The following CAMKMT variants were observed in gnomAD, a reference collection of about 807,000 sequenced individuals.
CAMKMT encodes the protein calmodulin-lysine N-methyltransferase.
CAMKMT carries 53 observed loss-of-function variants against 48.0 expected under a neutral mutation model. The observed-to-expected ratio is 1.10, with a 90% confidence interval of 0.89 to 1.39. The LOEUF is 1.39. Among genes scored for constraint, CAMKMT ranks in the 40% most tolerant of loss-of-function variants. CAMKMT has a pLI of 0.00. For missense variants in CAMKMT, 428 were observed against 402.7 expected, an observed-to-expected ratio of 1.06 and a Z score of -0.54; for synonymous variants, 165 against 152.3, an observed-to-expected ratio of 1.08 and a Z score of -0.61.
chr2:44,363,880 G>A (rs60403297), intron 1 of CAMKMT, among the ~76,000 whole-genome samples: 6,582 of 151,592 alleles, frequency 0.043, 448 homozygotes, highest in African/African-American at 0.15. Context: ...TAGTAGAGAC[G>A]GAGTTTCGCC....
At chr2:44,516,480 C>A (rs955193514) in intron 3 of CAMKMT, among the ~76,000 whole-genome samples, 1 of 151,820 alleles carries the variant, frequency 6.6e-6, no homozygotes, top group Admixed American at 6.6e-5. Flanking sequence ...TTTTTTTTCC[C>A]AAATGTTAAA....
chr2:44,750,988 G>A (rs945645950), intron 8 of CAMKMT, among the ~76,000 whole-genome samples: 8 of 151,668 alleles, frequency 5.3e-5, no homozygotes, highest in African/African-American at 1.9e-4. Flanking sequence ...ACTCCAGCCT[G>A]GGCAACAGAG....
rs535469049 is a variant in CAMKMT at position 44,623,049 on chromosome 2, A to G, written c.377-81234A>G. Among the ~76,000 whole-genome samples, 32 of 152,130 alleles carry G rather than the reference A, an allele frequency of 2.1e-4. 1 individual carries two copies. The highest frequency in any genetic ancestry group is 3.4e-3 in the Middle Eastern group (1 of 294). ...GCTGTTCTGACCAGTGTGAGATGGTATGTCGGTGATTTGCATTTCTCTGAT... is the reference window on the plus strand; with the variant it reads ...GCTGTTCTGACCAGTGTGAGATGGTGTGTCGGTGATTTGCATTTCTCTGAT... On this transcript the variant is annotated intron_variant, in intron 3 of 10. Coordinates refer to ENST00000378494, the MANE Select transcript of CAMKMT (RefSeq NM_024766.5).
intron 3 of CAMKMT, among the ~76,000 whole-genome samples, chr2:44,648,468 A>G (rs867977310): frequency 4.6e-5 from 7 of 152,364 alleles, no homozygotes; most frequent in African/African-American, 1.7e-4. Flanking sequence ...ACATGATGGC[A>G]TTCTTCAAAC....
chr2:44,373,694 G>A (rs1031873248), intron 2 of CAMKMT, among the ~76,000 whole-genome samples: 8 of 152,152 alleles, frequency 5.3e-5, no homozygotes, highest in African/African-American at 9.7e-5. Context: ...TCTTTTTATA[G>A]TATATGTTTC....
intron 3 of CAMKMT, among the ~76,000 whole-genome samples, chr2:44,668,456 A>G (rs1675132986): frequency 6.6e-6 from 1 of 152,136 alleles, no homozygotes; most frequent in Non-Finnish European, 1.5e-5. Context: ...CCATAAAATC[A>G]TGTGGCAGTA....
chr2:44,551,994 CA>C (rs1238566487), intron 3 of CAMKMT, among the ~76,000 whole-genome samples: 1 of 151,922 alleles, frequency 6.6e-6, no homozygotes, highest in African/African-American at 2.4e-5. Flanking sequence ...TTTTAGTTTT[CA>C]TTTTTTAATA....
intron 8 of CAMKMT, among the ~76,000 whole-genome samples, chr2:44,752,738 C>T (rs1368332736): frequency 6.6e-6 from 1 of 152,144 alleles, no homozygotes; most frequent in African/African-American, 2.4e-5. Context: ...CAAGATGACA[C>T]CTAGAATGCT....
At chr2:44,467,899 C>T (rs970201139) in intron 3 of CAMKMT, among the ~76,000 whole-genome samples, 1 of 152,102 alleles carries the variant, frequency 6.6e-6, no homozygotes, top group African/African-American at 2.4e-5. Context: ...AACTATGAAA[C>T]TACCAGAAGA....
chr2:44,708,885 C>T (rs1014091994), intron 6 of CAMKMT, among the ~76,000 whole-genome samples: 7 of 151,854 alleles, frequency 4.6e-5, no homozygotes, highest in African/African-American at 9.7e-5. Flanking sequence ...TCAGCTTGGG[C>T]CCGGTAACCT....
chr2:44,501,977 C>G (rs149168660), intron 3 of CAMKMT, among the ~76,000 whole-genome samples: 1 of 152,220 alleles, frequency 6.6e-6, no homozygotes, highest in Non-Finnish European at 1.5e-5. Context: ...TTGCCTCAGG[C>G]AAAAATTATC....
chr2:44,705,563 T>G (rs1341148477), intron 4 of CAMKMT: 1 of 981,220 alleles, frequency 1.0e-6, no homozygotes, highest in African/African-American at 1.8e-5. Context: ...CACCCTAGAC[T>G]GTCAGCTTTA....
chr2:44,388,283 T>C (rs1040339585), intron 2 of CAMKMT, among the ~76,000 whole-genome samples: 1 of 152,324 alleles, frequency 6.6e-6, no homozygotes, highest in Non-Finnish European at 1.5e-5. Flanking sequence ...CTTCTACTTA[T>C]TCAATTCTAT....
intron 8 of CAMKMT, among the ~76,000 whole-genome samples, chr2:44,747,149 T>C (rs1206398378): frequency 6.6e-6 from 1 of 152,190 alleles, no homozygotes; most frequent in Non-Finnish European, 1.5e-5. Context: ...GGAAAGTACA[T>C]TGGCCTGTAG....
intron 3 of CAMKMT, among the ~76,000 whole-genome samples, chr2:44,518,638 G>T (rs1186122395): frequency 6.6e-6 from 1 of 152,136 alleles, no homozygotes; most frequent in African/African-American, 2.4e-5. Flanking sequence ...AAAAACCGAA[G>T]ATATGTGGAA....
At chr2:44,753,215 C>G (rs999315575) in intron 8 of CAMKMT, among the ~76,000 whole-genome samples, 1 of 147,382 alleles carries the variant, frequency 6.8e-6, no homozygotes, top group Non-Finnish European at 1.5e-5. Flanking sequence ...TAGTTCAAGA[C>G]CAGCCCTGGC....
At position 44,706,312 on chromosome 2, in the gene CAMKMT, G is replaced by A. The variant is rs1297525051; in HGVS notation, c.463G>A (p.Gly155Ser). The part of the protein sequence containing the change: ...FRALAVCELG[G>S]GMTCLAGLMV... ...GGCCCTTGCTGTGTGTGAGCTAGGG[G>A]GTGGCATGACATGCTTGGCTGGGCT... Residue 155 changes from glycine (G) to serine (S), a missense_variant, in exon 5 of 11, where the codon GGT becomes AGT. Gly to Ser is a moderately conservative substitution (Grantham distance 56). Coordinates refer to ENST00000378494, the MANE Select transcript of CAMKMT (RefSeq NM_024766.5). 1 of 1,613,336 alleles carries A rather than the reference G, an allele frequency of 6.2e-7. No individual in the cohort carries two copies. The highest frequency in any genetic ancestry group is 1.7e-5 in the Admixed American group (1 of 59,972).
chr2:44,762,665 A>C (rs1680668578), intron 9 of CAMKMT, among the ~76,000 whole-genome samples: 1 of 152,218 alleles, frequency 6.6e-6, no homozygotes, highest in Non-Finnish European at 1.5e-5. Context: ...ATAAAAAATA[A>C]AATAAAAATA....
At chr2:44,519,978 G>A (rs376801493) in intron 3 of CAMKMT, among the ~76,000 whole-genome samples, 5 of 151,834 alleles carry the variant, frequency 3.3e-5, no homozygotes, top group African/African-American at 9.7e-5. Flanking sequence ...TTGGGAGGCT[G>A]AGGCGGGCGG....
Sources: gnomAD v4.1 joint callset for allele counts (sites outside exome capture counted in the v4.1 genomes callset) on GRCh38, gnomAD v4.1.1 for gene constraint, MANE v1.5 for transcripts, NCBI Gene and HGNC (gene_info 2026-07-23, HGNC 2026-07-21) for gene names.